Variants in PGS1 observed in about 807,000 individuals in gnomAD.
PGS1 encodes phosphatidylglycerophosphate synthase 1.
A neutral mutation model predicts 58.3 loss-of-function variants in PGS1; 44 were observed. The observed-to-expected ratio is 0.75, with a 90% CI of 0.59 to 0.97. The LOEUF (loss-of-function observed/expected upper bound fraction) is 0.97, where lower values mean the gene tolerates loss of function less well. Ranked by LOEUF, PGS1 falls within the 50% of genes least tolerant of loss-of-function variation. PGS1 has a pLI of 0.00. For missense variants in PGS1, 684 were observed against 731.1 expected (o/e 0.94, Z 0.74); for synonymous variants, 330 against 311.0 (o/e 1.06, Z -0.64).
intron 5 of PGS1, 21 bp downstream of exon 5, chr17:78,399,558 G>C: frequency 6.2e-7 from 1 of 1,612,396 alleles, no homozygotes; most frequent in Non-Finnish European, 8.5e-7. Context: ...CCCACCGTCA[G>C]TGCTTTTGCC....
At chr17:78,406,430 A>G (rs1050356318) in intron 7 of PGS1, among the ~76,000 whole-genome samples, 4 of 152,240 alleles carry the variant, frequency 2.6e-5, no homozygotes, top group African/African-American at 9.6e-5. Context: ...TCTGATGCCT[A>G]GCCTAGCCTT....
chr17:78,420,912 CCA>C (rs1054017667), intron 9 of PGS1: 1 of 152,042 alleles, frequency 6.6e-6, no homozygotes, highest in Non-Finnish European at 1.5e-5. Context: ...CAAAACAGCA[CCA>C]GTGTCACTCC....
intron 6 of PGS1, among the ~76,000 whole-genome samples, chr17:78,402,419 T>C (rs201616885): frequency 1.4e-4 from 1 of 6,902 alleles, no homozygotes; most frequent in South Asian, 8.5e-3. Context: ...TATATATATA[T>C]ATATATATAC....
chr17:78,400,239 G>T lies in PGS1; in HGVS notation c.702-438G>T, dbSNP rs540644900. The stretch of plus-strand genomic sequence containing the variant: ...GTCTCTACTAAAAATACAAAAATTA[G>T]CTGGGTGTGGTGGCACACACCTGTA... On this transcript the variant is annotated intron_variant, in intron 5 of 9. Coordinates refer to ENST00000262764, the MANE Select transcript of PGS1 (RefSeq NM_024419.5). This position sits in a 1 kb window ranked among gnomAD's most constrained non-coding sequence, Gnocchi z 4.4. 6.6e-6 allele frequency among the ~76,000 whole-genome samples: 1 copy of T among 152,280 alleles called. No individual in the cohort carries two copies. Among genetic ancestry groups the T allele is most frequent in the East Asian group, 1.9e-4 (1 of 5,184 alleles).
intron 9 of PGS1, among the ~76,000 whole-genome samples, chr17:78,422,836 C>T (rs905852378): frequency 6.6e-6 from 1 of 152,162 alleles, no homozygotes; most frequent in African/African-American, 2.4e-5. Flanking sequence ...TGGTTGACAC[C>T]TGTAATCCTG....
chr17:78,404,024 T>G lies in PGS1; in HGVS notation c.1337T>G (p.Leu446Arg), dbSNP rs61735179. 2.0e-3 allele frequency: 3,187 copies of G among 1,612,258 alleles called. 58 individuals are homozygous for G. The African/African-American group carries it at 0.036, about 18-fold the overall frequency. Residue 446 changes from leucine to arginine, a missense_variant, in exon 7 of 10, where the codon CTG becomes CGG. Transcript: ENST00000262764. The part of the protein sequence containing the change: ...ERQFFSEVCS[L>R]GQQERVQLQE... ...CAGTTCTTCAGTGAGGTGTGCAGCC[T>G]GGGACAGCAGGAGCGGGTCCAGCTT...
chr17:78,414,247 C>G (rs2084976134), intron 7 of PGS1, among the ~76,000 whole-genome samples: 1 of 152,234 alleles, frequency 6.6e-6, no homozygotes, highest in African/African-American at 2.4e-5. Context: ...AGGCAGCCAG[C>G]CTTCAAGGCA....
chr17:78,394,618 C>G (rs551704062), intron 2 of PGS1, among the ~76,000 whole-genome samples: 1 of 151,512 alleles, frequency 6.6e-6, no homozygotes, highest in Non-Finnish European at 1.5e-5. Flanking sequence ...TGCAATGGCA[C>G]GATCTCGGCT....
At chr17:78,395,165 C>T (rs1274900425) in intron 2 of PGS1, among the ~76,000 whole-genome samples, 1 of 152,190 alleles carries the variant, frequency 6.6e-6, no homozygotes, top group Non-Finnish European at 1.5e-5. Flanking sequence ...GCCTGGTCCC[C>T]ATGTCTTCAT....
At position 78,424,651 on chromosome 17, in the gene PGS1, G is replaced by C. The variant is rs2086341138; in HGVS notation, c.*601G>C. On this transcript the variant is annotated 3_prime_UTR_variant, in exon 10 of 10. Transcript: ENST00000262764. Reference sequence around the variant, plus strand: ...TGAAATCTCAAAATAAACAAACATGGAGAGCTTATCTTTGGTTGTGTGGGA... The same window carrying C: ...TGAAATCTCAAAATAAACAAACATGCAGAGCTTATCTTTGGTTGTGTGGGA... 6.4e-6 allele frequency: 1 copy of C among 155,712 alleles called. No homozygotes were observed. Among genetic ancestry groups the C allele is most frequent in the African/African-American group, 2.4e-5 (1 of 41,432 alleles). The allele number at this position is 155,712 out of a possible 1,614,324, so 9.6% of individuals were successfully genotyped here.
chr17:78,397,894 G>A (rs16971105), intron 3 of PGS1, among the ~76,000 whole-genome samples: 1 of 152,008 alleles, frequency 6.6e-6, no homozygotes, highest in South Asian at 2.1e-4. Context: ...CACTCTTTAC[G>A]AGGAGGGCAC....
Position 78,419,545 on chromosome 17 carries a change from G to A in PGS1, c.1552-1G>A, listed in dbSNP as rs1191844202. The A allele has an allele frequency of 1.5e-5, 24 of 1,613,174 alleles. No homozygotes were observed. The highest frequency in any genetic ancestry group is 2.0e-5 in the Non-Finnish European group (23 of 1,179,378). On this transcript the variant is annotated splice_acceptor_variant, in intron 8 of 9. Transcript: ENST00000262764. LOFTEE classifies it high-confidence loss of function. ...TATTCCTGTCTGTTCCTCTTCCTCA[G>A]GAGCAAGAGCAGCTCTACCTGAGGT...
chr17:78,421,607 G>T (rs2085751167), intron 9 of PGS1: 1 of 152,294 alleles, frequency 6.6e-6, no homozygotes, highest in African/African-American at 2.4e-5. Context: ...TGTCCTGTGG[G>T]ACAATTAGAC....
intron 3 of PGS1, among the ~76,000 whole-genome samples, chr17:78,397,590 C>T (rs2083330619): frequency 1.6e-5 from 1 of 62,658 alleles, no homozygotes; most frequent in African/African-American, 6.9e-5. Flanking sequence ...GCATGCGCCA[C>T]CCCCCCAGCT....
Position 78,403,868 on chromosome 17 carries a change from C to T in PGS1, c.1181C>T (p.Ala394Val). The T allele has an allele frequency of 6.2e-7, 1 of 1,614,182 alleles. No individual in the cohort carries two copies. Among genetic ancestry groups the T allele is most frequent in the Non-Finnish European group, 8.5e-7 (1 of 1,179,970 alleles). ...ACTGGCTATTTCAACCTGACCCAGG[C>T]CTACATGGACCTGGTCTTGGGCACT... ...LTTGYFNLTQ[A>V]YMDLVLGTRA... The change falls in exon 7 of 10, where the codon GCC becomes GTC. Residue 394 changes from alanine to valine, a missense_variant. By Grantham distance (64) the Ala-to-Val change is moderately conservative (BLOSUM62 0). Transcript: ENST00000262764.
chr17:78,412,304 C>T lies in PGS1; in HGVS notation c.1403-2575C>T, dbSNP rs1167640367. On this transcript the variant is annotated intron_variant, in intron 7 of 9. Transcript: ENST00000262764. ...AAGATTGCAGTGCAAATAATTCTGG[C>T]GGGGAAGTTGTTGGGCAGTCTCAGG... Among the ~76,000 whole-genome samples, 10 of 152,182 alleles carry T rather than the reference C, an allele frequency of 6.6e-5. No individual in the cohort carries two copies. In the East Asian group the frequency reaches 1.9e-3, roughly 29 times the overall value.
chr17:78,387,307 T>TC (rs1197297942), intron 1 of PGS1, among the ~76,000 whole-genome samples: 1 of 151,676 alleles, frequency 6.6e-6, no homozygotes, highest in African/African-American at 2.4e-5. Flanking sequence ...CCCAGCCTTT[T>TC]TTTTTTTTGA....
chr17:78,389,210 G>C (rs538321093), intron 1 of PGS1, among the ~76,000 whole-genome samples: 1 of 150,380 alleles, frequency 6.6e-6, no homozygotes, highest in Non-Finnish European at 1.5e-5. Context: ...TTTTTGAGAC[G>C]GAGTGTCGCT....
At chr17:78,393,006 G>A in intron 2 of PGS1, among the ~76,000 whole-genome samples, 1 of 151,902 alleles carries the variant, frequency 6.6e-6, no homozygotes. Flanking sequence ...TGATCCCCCT[G>A]CCTCGGCCTC....
Sources: allele counts gnomAD v4.1 joint callset (sites outside exome capture counted in the v4.1 genomes callset), GRCh38; gene constraint gnomAD v4.1.1; non-coding constraint Gnocchi (gnomAD v3.1); transcripts MANE v1.5; gene names NCBI Gene and HGNC (gene_info 2026-07-23, HGNC 2026-07-21).